Variants in ITPR1 observed in about 807,000 individuals in gnomAD.
ITPR1 encodes the protein inositol 1,4,5-trisphosphate-gated calcium channel ITPR1.
In ITPR1, 96 loss-of-function variants were observed where a neutral mutation model predicts 318.4. That is an observed-to-expected ratio of 0.30 (90% confidence interval 0.26 to 0.36). The LOEUF is 0.36. Among genes scored for constraint, ITPR1 ranks in the 10% least tolerant of loss-of-function variants. The probability of loss-of-function intolerance (pLI) is 1.00; values close to 1 mark genes in which losing one functional copy is unlikely to be tolerated. For synonymous variants in ITPR1, 1,312 were observed against 1,289.9 expected (o/e 1.02, Z -0.37); for missense variants, 2,440 against 3,460.2 (o/e 0.71, Z 7.40).
chr3:4,807,114 ACAAAGAGAGGGGGG>A (rs2048613817), intron 55 of ITPR1, among the ~76,000 whole-genome samples: 1 of 4,436 alleles, frequency 2.3e-4, no homozygotes, highest in Non-Finnish European at 6.6e-4. Flanking sequence ...AGGGGGGCTT[ACAAAGAGAGGGGGG>A]CTTACAAAGA....
chr3:4,650,625 G>GTC (rs2093572726), intron 10 of ITPR1, among the ~76,000 whole-genome samples: 1 of 141,812 alleles, frequency 7.1e-6, no homozygotes, highest in Admixed American at 6.9e-5. Flanking sequence ...GTGTGTGTGT[G>GTC]TGTGTGTGTG....
At chr3:4,768,896 T>C (rs970995733) in intron 46 of ITPR1, 132 bp downstream of exon 46, 8 of 849,846 alleles carry the variant, frequency 9.4e-6, no homozygotes, top group Admixed American at 5.8e-5. Flanking sequence ...TTCTTTTTTT[T>C]CCTTTTTCTT....
chr3:4,582,722 T>TA (rs1302431926), intron 4 of ITPR1, among the ~76,000 whole-genome samples: 1 of 151,736 alleles, frequency 6.6e-6, no homozygotes, highest in African/African-American at 2.4e-5. Context: ...GAAAGTGTCT[T>TA]ACCATCTGTT....
chr3:4,568,050 G>A (rs933961163), intron 4 of ITPR1, among the ~76,000 whole-genome samples: 8 of 152,224 alleles, frequency 5.3e-5, no homozygotes, highest in African/African-American at 1.9e-4. Flanking sequence ...CAAAGTCGGT[G>A]CAGTGAGGTG....
intron 44 of ITPR1, among the ~76,000 whole-genome samples, chr3:4,743,326 A>C (rs979138425): frequency 6.6e-6 from 1 of 152,216 alleles, no homozygotes; most frequent in East Asian, 1.9e-4. Context: ...TCAAAATTCA[A>C]AAGTCGTTAC....
At chr3:4,769,510 C>T (rs2046050559) in intron 46 of ITPR1, among the ~76,000 whole-genome samples, 1 of 152,170 alleles carries the variant, frequency 6.6e-6, no homozygotes, top group African/African-American at 2.4e-5. Context: ...GAAATGGCTG[C>T]CTTTCAGTGA....
At chr3:4,840,618 C>G (rs2051274980) in intron 61 of ITPR1, among the ~76,000 whole-genome samples, 1 of 152,106 alleles carries the variant, frequency 6.6e-6, no homozygotes, top group South Asian at 2.1e-4. Flanking sequence ...GAAAAAAGTT[C>G]TTGTTAGGAT....
At chr3:4,648,500 G>T (rs1341019092) in intron 10 of ITPR1, among the ~76,000 whole-genome samples, 1 of 151,994 alleles carries the variant, frequency 6.6e-6, no homozygotes. Flanking sequence ...TCACTCATTT[G>T]CCTATGACCT....
chr3:4,633,584 A>G (rs1014213504), intron 5 of ITPR1, among the ~76,000 whole-genome samples: 7 of 152,320 alleles, frequency 4.6e-5, no homozygotes, highest in East Asian at 1.9e-4. Flanking sequence ...AGTGACATCT[A>G]GTGGCTGGAT....
intron 34 of ITPR1, among the ~76,000 whole-genome samples, chr3:4,698,776 A>C (rs2094597728): frequency 6.6e-6 from 1 of 152,192 alleles, no homozygotes; most frequent in African/African-American, 2.4e-5. Context: ...AGAACACTTG[A>C]TTTTTATGTC....
intron 44 of ITPR1, among the ~76,000 whole-genome samples, chr3:4,738,447 T>C (rs1308087463): frequency 2.0e-5 from 3 of 152,172 alleles, no homozygotes; most frequent in Admixed American, 1.3e-4. Flanking sequence ...TGGTAAATGT[T>C]GGCTGAAATG....
At chr3:4,830,590 G>A (rs1013287302) in intron 60 of ITPR1, among the ~76,000 whole-genome samples, 3 of 152,030 alleles carry the variant, frequency 2.0e-5, no homozygotes, top group Non-Finnish European at 2.9e-5. Context: ...AAATACATGG[G>A]GAGGCCAAAT....
At chr3:4,649,953 C>G (rs1312008910) in intron 10 of ITPR1, among the ~76,000 whole-genome samples, 1 of 152,166 alleles carries the variant, frequency 6.6e-6, no homozygotes, top group Non-Finnish European at 1.5e-5. Context: ...ATACTATAAC[C>G]TTATGGGGTA....
intron 4 of ITPR1, among the ~76,000 whole-genome samples, chr3:4,602,047 G>A (rs2091326098): frequency 6.6e-6 from 1 of 152,140 alleles, no homozygotes; most frequent in Admixed American, 6.5e-5. Flanking sequence ...AATAAGCAGT[G>A]GTGAGAATGT....
chr3:4,766,412 T>G (rs2045822457), intron 44 of ITPR1, 118 bp from the exon 45 acceptor site: 6 of 762,716 alleles, frequency 7.9e-6, no homozygotes, highest in Non-Finnish European at 8.7e-6. Context: ...TGATCTAAAC[T>G]TAGATCATGC....
rs2092891934 is a variant in ITPR1, at chr3:4,627,933, G to A, written c.279+55G>A. 7 of 1,038,004 alleles carry A rather than the reference G, an allele frequency of 6.7e-6. 1 individual carries two copies. The highest frequency in any genetic ancestry group is 6.3e-5 in the South Asian group (4 of 63,016). The allele number at this position is 1,038,004 out of a possible 1,614,324, so 64.3% of individuals were successfully genotyped here. On this transcript the variant is annotated intron_variant, in intron 5 of 61. Coordinates refer to ENST00000649015, the MANE Select transcript of ITPR1 (RefSeq NM_001378452.1). The stretch of plus-strand genomic sequence containing the variant: ...GCAGTAGTGAGTGGCTGCCTTGGTG[G>A]TATCTGGGTGTAATGGTGGGAGACT...
intron 4 of ITPR1, among the ~76,000 whole-genome samples, chr3:4,622,733 A>T (rs562576958): frequency 6.6e-6 from 1 of 152,296 alleles, no homozygotes; most frequent in South Asian, 2.1e-4. Context: ...AATAAGTAGT[A>T]ATTGAATCCA....
At chr3:4,768,951 C>T (rs2046005035) in intron 46 of ITPR1, among the ~76,000 whole-genome samples, 187 bp downstream of exon 46, 1 of 151,328 alleles carries the variant, frequency 6.6e-6, no homozygotes, top group Admixed American at 6.6e-5. Flanking sequence ...GCTCTGTCAC[C>T]CAGGCTGGAG....
intron 4 of ITPR1, among the ~76,000 whole-genome samples, chr3:4,585,875 C>G (rs972935150): frequency 1.3e-5 from 2 of 152,112 alleles, no homozygotes; most frequent in South Asian, 4.1e-4. Context: ...ACCCATCAAC[C>G]TGTTACCTTC....
Sources: gnomAD v4.1 joint callset for allele counts (sites outside exome capture counted in the v4.1 genomes callset) on GRCh38, gnomAD v4.1.1 for gene constraint, MANE v1.5 for transcripts, NCBI Gene and HGNC (gene_info 2026-07-23, HGNC 2026-07-21) for gene names.